KIF26B: variants seen among roughly 807,000 people sequenced by gnomAD.
The protein encoded by KIF26B is kinesin-like protein KIF26B.
Under a neutral mutation model 151.2 loss-of-function variants are expected in KIF26B, and 63 were observed. That is an observed-to-expected ratio of 0.42 (90% CI 0.34 to 0.51). The LOEUF is 0.51. Among genes scored for constraint, KIF26B ranks in the 20% least tolerant of loss-of-function variants. The pLI, the probability that KIF26B is intolerant of heterozygous loss-of-function variation, is 0.07. For synonymous variants in KIF26B, 1,357 were observed against 1,262.1 expected, an observed-to-expected ratio of 1.08 and a Z score of -1.59; for missense variants, 2,813 against 2,913.6, an observed-to-expected ratio of 0.97 and a Z score of 0.79.
At chr1:245,453,913 T>C (rs1659454591) in intron 4 of KIF26B, among the ~76,000 whole-genome samples, 1 of 152,188 alleles carries the variant, frequency 6.6e-6, no homozygotes, top group African/African-American at 2.4e-5. Flanking sequence ...TCTGAAATGG[T>C]ATAAATAAAA....
chr1:245,358,072 G>A lies in KIF26B; in HGVS notation c.466-8762G>A, dbSNP rs1057133304. Among the ~76,000 whole-genome samples, 13 of 151,838 alleles carry A rather than the reference G, an allele frequency of 8.6e-5. No homozygotes were observed. Among genetic ancestry groups the A allele is most frequent in the African/African-American group, 2.4e-4 (10 of 41,314 alleles). On this transcript the variant is annotated intron_variant, in intron 2 of 14. Coordinates refer to ENST00000407071, the MANE Select transcript of KIF26B (RefSeq NM_018012.4). The surrounding 1 kb of genome is among the most constrained non-coding windows in gnomAD (Gnocchi z 4.1). ...GCTGGGACTAAAGGCATGCACCACC[G>A]CACCTGGCTAATTTTTGTATTTTTT...
intron 4 of KIF26B, among the ~76,000 whole-genome samples, chr1:245,423,116 G>A (rs1014494801): frequency 1.4e-5 from 2 of 142,470 alleles, no homozygotes; most frequent in Admixed American, 7.1e-5. Context: ...AAAAAAAAAA[G>A]GAAAGAAAGA....
chr1:245,463,681 C>T (rs1487320447), intron 4 of KIF26B, among the ~76,000 whole-genome samples: 2 of 152,170 alleles, frequency 1.3e-5, no homozygotes, highest in Non-Finnish European at 2.9e-5. Context: ...TGTGGTGCAG[C>T]TGCTGTTTGT....
intron 4 of KIF26B, among the ~76,000 whole-genome samples, chr1:245,527,146 G>A (rs1172603344): frequency 6.6e-6 from 1 of 152,216 alleles, no homozygotes; most frequent in Non-Finnish European, 1.5e-5. Flanking sequence ...CATCTAAAAG[G>A]CAGCATGGTG....
Position 245,538,721 on chromosome 1 carries a change from T to C in KIF26B, c.1167-2046T>C, listed in dbSNP as rs141800141. On this transcript the variant is annotated intron_variant, in intron 4 of 14. Coordinates refer to ENST00000407071, the MANE Select transcript of KIF26B (RefSeq NM_018012.4). ...TTACACTGTGAAAAGGAACCTTGAA[T>C]GTAGATGGATAAACACCATCTTTTA... Among the ~76,000 whole-genome samples, 13 of 152,268 alleles carry C rather than the reference T, an allele frequency of 8.5e-5. No homozygotes were observed. The East Asian group carries it at 2.5e-3, about 29-fold the overall frequency.
At chr1:245,171,992 C>T (rs139320665) in intron 2 of KIF26B, among the ~76,000 whole-genome samples, 4 of 152,240 alleles carry the variant, frequency 2.6e-5, no homozygotes, top group Non-Finnish European at 5.9e-5. Flanking sequence ...GTAAAACTTA[C>T]ACTTTTAGAC....
intron 3 of KIF26B, among the ~76,000 whole-genome samples, chr1:245,369,715 C>T (rs1014208966): frequency 6.6e-5 from 10 of 152,234 alleles, no homozygotes; most frequent in Non-Finnish European, 1.2e-4. Flanking sequence ...TTGCCTACCG[C>T]GGTTTCTTCC....
chr1:245,455,619 C>T (rs1659501418), intron 4 of KIF26B, among the ~76,000 whole-genome samples: 1 of 152,204 alleles, frequency 6.6e-6, no homozygotes, highest in African/African-American at 2.4e-5. Context: ...GAAATAAAAG[C>T]TCTCTTTAGC....
Position 245,708,963 on chromosome 1 carries a change from T to C in KIF26B, c.*6357T>C, listed in dbSNP as rs932850850. On this transcript the variant is annotated 3_prime_UTR_variant, in exon 15 of 15. Coordinates refer to ENST00000407071, the MANE Select transcript of KIF26B (RefSeq NM_018012.4). The stretch of plus-strand genomic sequence containing the variant: ...AAAATCTTGTTTTACAATTCAATGG[T>C]AGTGCTTAATGTTACTGTCTGAAAT... The C allele has an allele frequency of 6.6e-6, 1 of 152,212 alleles. No homozygotes were observed. Among genetic ancestry groups the C allele is most frequent in the Admixed American group, 6.5e-5 (1 of 15,280 alleles). The allele number at this position is 152,212 out of a possible 1,614,324, so 9.4% of individuals were successfully genotyped here.
intron 9 of KIF26B, among the ~76,000 whole-genome samples, chr1:245,630,122 A>G (rs2043765310): frequency 6.6e-6 from 1 of 152,202 alleles, no homozygotes; most frequent in Non-Finnish European, 1.5e-5. Flanking sequence ...AAACGCTTTC[A>G]CATTGTTGGT....
chr1:245,383,052 T>TATAC (rs950157276), intron 3 of KIF26B, among the ~76,000 whole-genome samples: 3 of 146,872 alleles, frequency 2.0e-5, no homozygotes, highest in African/African-American at 7.6e-5. Context: ...TATATATATA[T>TATAC]ACAGAGAGAG....
chr1:245,631,417 T>C (rs1386655764), intron 9 of KIF26B, among the ~76,000 whole-genome samples: 1 of 152,224 alleles, frequency 6.6e-6, no homozygotes, highest in African/African-American at 2.4e-5. Flanking sequence ...GTTGATGTGA[T>C]GTGCACGTTT....
chr1:245,698,358 C>T lies in KIF26B; in HGVS notation c.6027+50C>T. The T allele has an allele frequency of 6.5e-7, 1 of 1,547,770 alleles. No individual in the cohort carries two copies. The highest frequency in any genetic ancestry group is 8.8e-7 in the Non-Finnish European group (1 of 1,133,058). ...CTGCCTACGTGGTGGCAGCTCCCCACCAAGCCTGAGCAGGTGCTAGGCAGG... is the reference window on the plus strand; with the variant it reads ...CTGCCTACGTGGTGGCAGCTCCCCATCAAGCCTGAGCAGGTGCTAGGCAGG... On this transcript the variant is annotated intron_variant, in intron 13 of 14. Coordinates refer to ENST00000407071, the MANE Select transcript of KIF26B (RefSeq NM_018012.4). The surrounding 1 kb of genome is among the most constrained non-coding windows in gnomAD (Gnocchi z 4.0).
chr1:245,214,379 A>G (rs1187695859), intron 2 of KIF26B, among the ~76,000 whole-genome samples: 1 of 152,068 alleles, frequency 6.6e-6, no homozygotes, highest in Non-Finnish European at 1.5e-5. Context: ...TGCCTCTAAA[A>G]ACATTTTTTT....
At chr1:245,640,393 C>CTA (rs1400356233) in intron 9 of KIF26B, among the ~76,000 whole-genome samples, 4 of 151,396 alleles carry the variant, frequency 2.6e-5, no homozygotes. Flanking sequence ...CACTGTTAGT[C>CTA]TATGTGTGTC....
At chr1:245,292,301 C>A (rs1671265748) in intron 2 of KIF26B, among the ~76,000 whole-genome samples, 1 of 152,184 alleles carries the variant, frequency 6.6e-6, no homozygotes, top group African/African-American at 2.4e-5. Flanking sequence ...ACATGGGGCA[C>A]CGGAAGCTGG....
chr1:245,346,775 C>A (rs1672465717), intron 2 of KIF26B, among the ~76,000 whole-genome samples: 1 of 152,186 alleles, frequency 6.6e-6, no homozygotes, highest in African/African-American at 2.4e-5. Context: ...ATCCCATTCT[C>A]TGATCACCAC....
rs79965837 is a variant in KIF26B, at chr1:245,389,993, C to T, written c.999+22626C>T. ...GACCCTTTCACTGGGTTTATGAGAT[C>T]GAAACTATTTTCATGTAATACTCCG... On this transcript the variant is annotated intron_variant, in intron 3 of 14. Coordinates refer to ENST00000407071, the MANE Select transcript of KIF26B (RefSeq NM_018012.4). Among the ~76,000 whole-genome samples the T allele has an allele frequency of 5.9e-5, 9 of 152,234 alleles. 1 individual carries two copies. The East Asian group carries it at 1.7e-3, about 29-fold the overall frequency.
chr1:245,449,254 C>A (rs981654664), intron 4 of KIF26B, among the ~76,000 whole-genome samples: 5 of 152,090 alleles, frequency 3.3e-5, no homozygotes, highest in African/African-American at 1.2e-4. Flanking sequence ...AAGTGATTTG[C>A]GTAGGCTGAG....
Sources: allele counts gnomAD v4.1 joint callset (sites outside exome capture counted in the v4.1 genomes callset), GRCh38; gene constraint gnomAD v4.1.1; non-coding constraint Gnocchi (gnomAD v3.1); transcripts MANE v1.5; gene names NCBI Gene and HGNC (gene_info 2026-07-23, HGNC 2026-07-21).